The following CNBD1 variants were observed in gnomAD, a reference collection of about 807,000 sequenced individuals.
CNBD1 encodes cyclic nucleotide binding domain containing 1.
A neutral mutation model predicts 54.4 loss-of-function variants in CNBD1; 71 were observed. The ratio of observed to expected loss-of-function variants is 1.30; its 90% CI spans 1.08 to 1.59. The LOEUF (loss-of-function observed/expected upper bound fraction) is 1.59, where lower values mean the gene tolerates loss of function less well. Among genes scored for constraint, CNBD1 ranks in the 40% most tolerant of loss-of-function variants. CNBD1 has a pLI of 0.00. For synonymous variants in CNBD1, 182 were observed against 170.7 expected (o/e 1.07, Z -0.51); for missense variants, 659 against 518.0 (o/e 1.27, Z -2.64).
chr8:87,353,150 T>C (rs1407566813), intron 9 of CNBD1, among the ~76,000 whole-genome samples: 1 of 152,236 alleles, frequency 6.6e-6, no homozygotes, highest in East Asian at 1.9e-4. Context: ...ATGTTTCTTT[T>C]GTACTTAAAC....
intron 2 of CNBD1, among the ~76,000 whole-genome samples, chr8:87,388,840 C>A (rs1811247946): frequency 6.6e-6 from 1 of 151,968 alleles, no homozygotes; most frequent in African/African-American, 2.4e-5. Context: ...AACATCGATG[C>A]AAAATCCTCA....
chr8:87,051,606 G>C (rs1810312756), intron 4 of CNBD1, among the ~76,000 whole-genome samples: 1 of 152,202 alleles, frequency 6.6e-6, no homozygotes, highest in Non-Finnish European at 1.5e-5. Context: ...GGGAAACAAA[G>C]GGATGGGCTG....
At chr8:86,921,679 A>C (rs773985662) in intron 3 of CNBD1, among the ~76,000 whole-genome samples, 24 of 152,196 alleles carry the variant, frequency 1.6e-4, no homozygotes, top group Non-Finnish European at 3.2e-4. Context: ...CCACAAGAAC[A>C]GTATGGGGGA....
intron 8 of CNBD1, among the ~76,000 whole-genome samples, chr8:87,295,464 A>T (rs1458066174): frequency 1.3e-5 from 2 of 151,660 alleles, no homozygotes; most frequent in East Asian, 3.8e-4. Context: ...ATTAAAATAA[A>T]TTAAGAATTT....
chr8:87,367,675 A>C (rs979302303), intron 10 of CNBD1, among the ~76,000 whole-genome samples: 1 of 152,152 alleles, frequency 6.6e-6, no homozygotes, highest in African/African-American at 2.4e-5. Context: ...TCAAATGTTC[A>C]CAACAACCCA....
intron 2 of CNBD1, among the ~76,000 whole-genome samples, chr8:87,420,370 C>T (rs145765375): frequency 1.3e-5 from 2 of 151,970 alleles, no homozygotes; most frequent in Non-Finnish European, 2.9e-5. Flanking sequence ...TGAGGTCTCT[C>T]GGAAGGTACA....
intron 4 of CNBD1, among the ~76,000 whole-genome samples, chr8:87,051,216 C>T (rs1480504715): frequency 6.6e-6 from 1 of 152,136 alleles, no homozygotes; most frequent in Non-Finnish European, 1.5e-5. Context: ...ATGTCCATCA[C>T]AGTCATGCTA....
Position 86,945,044 on chromosome 8 carries a change from T to TG in CNBD1, c.431+5291dup, listed in dbSNP as rs532062134. 5.7e-3 allele frequency among the ~76,000 whole-genome samples: 872 copies of TG among 152,300 alleles called. 17 individuals carry two copies. Among genetic ancestry groups the TG allele is most frequent in the African/African-American group, 0.02 (828 of 41,562 alleles). On this transcript the variant is annotated intron_variant, in intron 4 of 10. Coordinates refer to ENST00000518476, the MANE Select transcript of CNBD1 (RefSeq NM_173538.3). ...GGGCAAATCATCTGATGCTCTCACA[T>TG]GTTGGTATTTGATTGCAGTGCTTAT...
intron 10 of CNBD1, among the ~76,000 whole-genome samples, chr8:87,378,630 T>A (rs1470714227): frequency 8.7e-5 from 12 of 138,716 alleles, no homozygotes; most frequent in African/African-American, 2.1e-4. Context: ...TTGACTTGGC[T>A]CTGCAGGCTC....
At chr8:87,369,036 C>A (rs1810704042) in intron 10 of CNBD1, among the ~76,000 whole-genome samples, 1 of 151,840 alleles carries the variant, frequency 6.6e-6, no homozygotes, top group Admixed American at 6.6e-5. Flanking sequence ...AACAACTATA[C>A]TTTACTAACA....
intron 8 of CNBD1, among the ~76,000 whole-genome samples, chr8:87,322,570 T>C (rs1272037200): frequency 3.5e-5 from 4 of 114,558 alleles, no homozygotes; most frequent in African/African-American, 1.3e-4. Flanking sequence ...ATGAGCATTT[T>C]TTCATGTGTT....
intron 6 of CNBD1, among the ~76,000 whole-genome samples, chr8:87,284,289 A>T (rs1808650883): frequency 6.6e-6 from 1 of 152,100 alleles, no homozygotes; most frequent in Non-Finnish European, 1.5e-5. Context: ...TTAACATTTT[A>T]TTCATTTTTG....
At chr8:87,094,488 A>G (rs1811279966) in intron 4 of CNBD1, among the ~76,000 whole-genome samples, 1 of 151,226 alleles carries the variant, frequency 6.6e-6, no homozygotes, top group African/African-American at 2.4e-5. Context: ...CATATGAACT[A>G]AAAAATATCA....
intron 4 of CNBD1, among the ~76,000 whole-genome samples, chr8:86,994,574 C>A (rs1808827568): frequency 6.6e-6 from 1 of 152,206 alleles, no homozygotes; most frequent in African/African-American, 2.4e-5. Context: ...GACACTGGTT[C>A]CCTTGTAGCT....
chr8:87,164,078 G>T (rs1253175985), intron 4 of CNBD1, among the ~76,000 whole-genome samples: 1 of 151,738 alleles, frequency 6.6e-6, no homozygotes, highest in East Asian at 1.9e-4. Flanking sequence ...CCTTTATTCT[G>T]TTACTGTGGT....
At chr8:86,991,778 G>T (rs1407106984) in intron 4 of CNBD1, among the ~76,000 whole-genome samples, 2 of 152,094 alleles carry the variant, frequency 1.3e-5, no homozygotes, top group Non-Finnish European at 2.9e-5. Flanking sequence ...TCAGCCAGAA[G>T]TTATTCAGGA....
chr8:87,012,203 G>A (rs941028214), intron 4 of CNBD1, among the ~76,000 whole-genome samples: 1 of 152,122 alleles, frequency 6.6e-6, no homozygotes, highest in African/African-American at 2.4e-5. Flanking sequence ...GAGGTCATTA[G>A]GTCATTGGTT....
intron 8 of CNBD1, among the ~76,000 whole-genome samples, chr8:87,333,616 G>C (rs1240049629): frequency 6.6e-6 from 1 of 152,128 alleles, no homozygotes; most frequent in East Asian, 1.9e-4. Flanking sequence ...GGCCTTTTCT[G>C]TACCTATTGA....
intron 8 of CNBD1, among the ~76,000 whole-genome samples, chr8:87,302,957 C>T (rs1809044267): frequency 6.6e-6 from 1 of 151,474 alleles, no homozygotes; most frequent in South Asian, 2.1e-4. Flanking sequence ...TCAAGGAGAA[C>T]TACAAACCAC....
Sources: gnomAD v4.1 joint callset for allele counts (sites outside exome capture counted in the v4.1 genomes callset) on GRCh38, gnomAD v4.1.1 for gene constraint, MANE v1.5 for transcripts, NCBI Gene and HGNC (gene_info 2026-07-23, HGNC 2026-07-21) for gene names.